Variants in MDGA1 observed in about 807,000 individuals in gnomAD.
MDGA1 encodes the protein MAM domain-containing glycosylphosphatidylinositol anchor protein 1.
Under a neutral mutation model 101.5 loss-of-function variants are expected in MDGA1, and 54 were observed. The ratio of observed to expected loss-of-function variants is 0.53; its 90% confidence interval spans 0.43 to 0.67. The LOEUF (loss-of-function observed/expected upper bound fraction) is 0.67. Ranked by LOEUF, MDGA1 falls within the 30% of genes least tolerant of loss-of-function variation. The probability of loss-of-function intolerance (pLI) is 0.00; values close to 1 mark genes in which losing one functional copy is unlikely to be tolerated. For synonymous variants in MDGA1, 533 were observed against 558.3 expected (o/e 0.95, Z 0.64); for missense variants, 1,083 against 1,323.8 (o/e 0.82, Z 2.82).
intron 1 of MDGA1, among the ~76,000 whole-genome samples, chr6:37,686,895 T>C (rs1311265308): frequency 6.6e-6 from 1 of 152,202 alleles, no homozygotes; most frequent in African/African-American, 2.4e-5. Context: ...TCTTTCTTTC[T>C]AGCAAACAGG....
In MDGA1 at chr6:37,650,347, C is replaced by A. The variant is rs780772292; in HGVS notation, c.1371G>T (p.Ser457=). Residue 457 remains serine, a synonymous_variant, in exon 8 of 17, where the codon TCG becomes TCT. Transcript: ENST00000434837. ...GRAVVTVREG[S]PAELQCEVRG... ...GCACCTCGCATTGCAGCTCGGCAGG[C>A]GATCCCTCGCGCACGGTCACCACGG... 6 of 1,577,124 alleles carry A rather than the reference C, an allele frequency of 3.8e-6. No individual in the cohort carries two copies. In the South Asian group the frequency reaches 6.9e-5, roughly 18 times the overall value.
intron 2 of MDGA1, among the ~76,000 whole-genome samples, chr6:37,660,126 C>A (rs551780581): frequency 6.6e-6 from 1 of 151,020 alleles, no homozygotes; most frequent in East Asian, 1.9e-4. Context: ...GATCCTCCTG[C>A]CACAGACTCC....
chr6:37,644,413 C>T, intron 13 of MDGA1, 84 bp downstream of exon 13: 2 of 1,354,088 alleles, frequency 1.5e-6, no homozygotes, highest in South Asian at 1.7e-5. Flanking sequence ...GAGCCGTCTC[C>T]CTTCATCCCC....
chr6:37,672,401 T>G (rs1330517217), intron 1 of MDGA1, among the ~76,000 whole-genome samples: 1 of 152,100 alleles, frequency 6.6e-6, no homozygotes, highest in Non-Finnish European at 1.5e-5. Flanking sequence ...GATTGCACAC[T>G]GCACTCCAGC....
chr6:37,669,791 G>T (rs1761831078), intron 1 of MDGA1, among the ~76,000 whole-genome samples: 1 of 152,212 alleles, frequency 6.6e-6, no homozygotes, highest in South Asian at 2.1e-4. Flanking sequence ...AACAATAAAT[G>T]CTTCTGGGCC....
chr6:37,660,035 T>C (rs111493350), intron 2 of MDGA1, among the ~76,000 whole-genome samples: 1 of 69,938 alleles, frequency 1.4e-5, no homozygotes, highest in African/African-American at 3.9e-5. Flanking sequence ...TTTATCTCTC[T>C]CTTTTTTTTT....
At chr6:37,691,282 T>A (rs1353751798) in intron 1 of MDGA1, among the ~76,000 whole-genome samples, 1 of 152,200 alleles carries the variant, frequency 6.6e-6, no homozygotes, top group Non-Finnish European at 1.5e-5. Flanking sequence ...CTGTGCAATG[T>A]TGATCAGGTC....
intron 6 of MDGA1, among the ~76,000 whole-genome samples, 160 bp downstream of exon 6, chr6:37,654,114 C>G (rs1481571699): frequency 6.6e-6 from 1 of 152,210 alleles, no homozygotes; most frequent in Non-Finnish European, 1.5e-5. Flanking sequence ...TGGCAGTTAG[C>G]TGAATTGCAG....
At position 37,655,659 on chromosome 6, in the gene MDGA1, C is replaced by T; in HGVS notation, c.579+41G>A. ...CCATGCCCCCCTCCCCTGTTGGATG[C>T]AGGAGAAGTGGTATGGGGCGAGCCA... is the stretch of plus-strand genomic sequence containing the variant. On this transcript the variant is annotated intron_variant, in intron 4 of 16. Transcript: ENST00000434837. The surrounding 1 kb of genome is among the most constrained non-coding windows in gnomAD (Gnocchi z 5.1). 1 of 1,496,050 alleles carries T rather than the reference C, an allele frequency of 6.7e-7. No individual in the cohort carries two copies. The highest frequency in any genetic ancestry group is 1.4e-5 in the African/African-American group (1 of 72,540). 92.7% of individuals were successfully genotyped at this position (1,496,050 alleles called of 1,614,324 possible). A position where few individuals can be genotyped will look rare whatever the true frequency, so the allele number is the denominator to read the frequency against.
At chr6:37,663,726 AACAAC>A (rs1209078929) in intron 2 of MDGA1, among the ~76,000 whole-genome samples, 3 of 152,220 alleles carry the variant, frequency 2.0e-5, no homozygotes, top group Non-Finnish European at 2.9e-5. Context: ...AGTGGAATTG[AACAAC>A]CGGCATTCCA....
intron 1 of MDGA1, among the ~76,000 whole-genome samples, chr6:37,680,901 A>C (rs1399689485): frequency 6.6e-6 from 1 of 152,160 alleles, no homozygotes; most frequent in Non-Finnish European, 1.5e-5. Context: ...GTGAAAACCA[A>C]ATCCACAACT....
chr6:37,638,328 G>T lies in MDGA1; in HGVS notation c.2668-15C>A. 6.3e-7 allele frequency: 1 copy of T among 1,591,506 alleles called. No individual in the cohort carries two copies. Among genetic ancestry groups the T allele is most frequent in the Non-Finnish European group, 8.6e-7 (1 of 1,166,970 alleles). On this transcript the variant is annotated splice_polypyrimidine_tract_variant and intron_variant, in intron 15 of 16. Transcript: ENST00000434837. The surrounding 1 kb of genome is among the most constrained non-coding windows in gnomAD (Gnocchi z 4.8). The stretch of plus-strand genomic sequence containing the variant: ...TCAAAAATAATCTGGGGTGGGGTCA[G>T]AAAGCAAGGAGCAAGGGTTGAGGAG...
rs201648897 is a variant in MDGA1 at position 37,650,233 on chromosome 6, C to T, written c.1485G>A (p.Pro495=). ...LPSGLPLEET[P]DGKLRLERVS... ...CTCGCTCCAGCCGCAGCTTCCCGTCCGGAGTCTCCTCCAGGGGCAGCCCCG... is the reference window on the plus strand; with the variant it reads ...CTCGCTCCAGCCGCAGCTTCCCGTCTGGAGTCTCCTCCAGGGGCAGCCCCG... Residue 495 remains proline, a synonymous_variant, in exon 8 of 17, where the codon CCG becomes CCA. Coordinates refer to ENST00000434837, the MANE Select transcript of MDGA1 (RefSeq NM_153487.4). 5.6e-6 allele frequency: 9 copies of T among 1,611,128 alleles called. No homozygotes were observed. The African/African-American group carries it at 8.0e-5, about 14-fold the overall frequency.
chr6:37,668,249 T>TA (rs59059592), intron 1 of MDGA1, among the ~76,000 whole-genome samples: 39,064 of 128,896 alleles, frequency 0.3, 5,409 homozygotes, highest in Admixed American at 0.34. Context: ...AGATTCTGTC[T>TA]AAAAAAAAAA....
intron 1 of MDGA1, among the ~76,000 whole-genome samples, chr6:37,687,418 A>G (rs77407449): frequency 1.3e-5 from 2 of 149,968 alleles, no homozygotes; most frequent in South Asian, 4.3e-4. Context: ...AAAAAAAAAA[A>G]GTTAGCCGGG....
intron 9 of MDGA1, chr6:37,648,780 C>T (rs1581852817): frequency 9.7e-7 from 1 of 1,028,500 alleles, no homozygotes; most frequent in South Asian, 1.8e-5. Flanking sequence ...CTGGGAGGCC[C>T]AGGTTGGGAT....
chr6:37,680,638 T>C (rs1425140650), intron 1 of MDGA1, among the ~76,000 whole-genome samples: 1 of 152,242 alleles, frequency 6.6e-6, no homozygotes, highest in Non-Finnish European at 1.5e-5. Flanking sequence ...CCCAGTTTGC[T>C]CAGGCTGGGA....
intron 1 of MDGA1, among the ~76,000 whole-genome samples, chr6:37,665,579 G>GACCATCTACTGCCA (rs1432814139): frequency 1.3e-5 from 2 of 152,254 alleles, no homozygotes; most frequent in East Asian, 3.9e-4. Flanking sequence ...AACAATTGCC[G>GACCATCTACTGCCA]ACCATCTACT....
chr6:37,690,012 C>T lies in MDGA1; in HGVS notation c.67+6733G>A, dbSNP rs116046347. Among the ~76,000 whole-genome samples the T allele has an allele frequency of 4.4e-3, 669 of 152,298 alleles. 8 individuals are homozygous for T. Among genetic ancestry groups the T allele is most frequent in the African/African-American group, 0.015 (609 of 41,558 alleles). ...CTCATGCAGAACAAAATCCAGAATC[C>T]TTTCATAGCCTTCAAGGCTCCAAAT... is the stretch of plus-strand genomic sequence containing the variant. On this transcript the variant is annotated intron_variant, in intron 1 of 16. Coordinates refer to ENST00000434837, the MANE Select transcript of MDGA1 (RefSeq NM_153487.4).
Sources: gnomAD v4.1 joint callset for allele counts (sites outside exome capture counted in the v4.1 genomes callset) on GRCh38, gnomAD v4.1.1 for gene constraint, Gnocchi (gnomAD v3.1) non-coding constraint, MANE v1.5 for transcripts, NCBI Gene and HGNC (gene_info 2026-07-23, HGNC 2026-07-21) for gene names.